PHLDA1: variants seen among roughly 807,000 people sequenced by gnomAD.
The protein encoded by PHLDA1 is pleckstrin homology like domain family A member 1.
In PHLDA1, 28 loss-of-function variants were observed where a neutral mutation model predicts 33.8. The observed-to-expected ratio is 0.83, with a 90% CI of 0.61 to 1.14. PHLDA1 has a LOEUF of 1.14. Among genes scored for constraint, PHLDA1 ranks in the 50% most tolerant of loss-of-function variants. PHLDA1 has a pLI of 0.00. For synonymous variants in PHLDA1, 271 were observed against 243.6 expected, an observed-to-expected ratio of 1.11 and a Z score of -1.05; for missense variants, 595 against 548.6, an observed-to-expected ratio of 1.08 and a Z score of -0.84.
chr12:76,030,559 G>A (rs1870868434), exon 1 of PHLDA1: 2 of 1,613,784 alleles, frequency 1.2e-6, no homozygotes, highest in South Asian at 2.2e-5. Flanking sequence ...GAGGTGCTGC[G>A]GAGAAGCCGG....
In PHLDA1 at chr12:76,031,188, T is replaced by C; in HGVS notation, c.554A>G (p.Lys185Arg). The C allele has an allele frequency of 6.2e-7, 1 of 1,613,020 alleles. No individual in the cohort carries two copies. Among genetic ancestry groups the C allele is most frequent in the Non-Finnish European group, 8.5e-7 (1 of 1,179,826 alleles). The change falls in exon 1 of 2, where the codon AAG becomes AGG. Residue 185 changes from lysine to arginine, a missense_variant. Physicochemically the swap from Lys to Arg is conservative, Grantham distance 26 (BLOSUM62 2). Coordinates refer to ENST00000266671, the Ensembl canonical transcript of PHLDA1. The surrounding 1 kb of genome is among the most constrained non-coding windows in gnomAD (Gnocchi z 5.4). ...CTGCTGCTGCTGGTGTTGCAGCTGC[T>C]TGGGCGGGATAAGCAGCAGCCCTTC...
exon 1 of PHLDA1, chr12:76,030,810 GGCTGCGAGGGGGGCT>G (rs1565702062): frequency 6.5e-7 from 1 of 1,541,562 alleles, no homozygotes; most frequent in East Asian, 2.4e-5. Flanking sequence ...CTGCGGCTGC[GGCTGCGAGGGGGGCT>G]GCTGCTGGAC....
At position 76,031,133 on chromosome 12, in the gene PHLDA1, TTGTTGCTGCTGCTGCTGCTGC is replaced by T. The variant is rs748740802; in HGVS notation, c.588_608del (p.Gln198_Gln204del). The T allele has an allele frequency of 5.1e-6, 8 of 1,564,112 alleles. No individual in the cohort carries two copies. The highest frequency in any genetic ancestry group is 3.4e-5 in the South Asian group (3 of 88,818). On this transcript the variant is annotated inframe_deletion, in exon 1 of 2. Coordinates refer to ENST00000266671, the Ensembl canonical transcript of PHLDA1. This position sits in a 1 kb window ranked among gnomAD's most constrained non-coding sequence, Gnocchi z 5.4. ...GCTCGGCCGGCCCCTGCCCGGGCTG[TTGTTGCTGCTGCTGCTGCTGC>T]TGTTGCTGCTGCTGCTGCTGGTGTT... is the stretch of plus-strand genomic sequence containing the variant.
At chr12:76,030,444 T>C in intron 1 of PHLDA1, 66 bp downstream of exon 1, 1 of 1,278,824 alleles carries the variant, frequency 7.8e-7, no homozygotes, top group Non-Finnish European at 1.1e-6. Flanking sequence ...TGAACAAGCT[T>C]CCTACTCCTC....
chr12:76,028,181 T>C (rs542180542), exon 2 of PHLDA1: 3 of 152,216 alleles, frequency 2.0e-5, no homozygotes, highest in East Asian at 1.9e-4. Context: ...TATACATATA[T>C]ACATACATAC....
In PHLDA1 at chr12:76,031,721, G is replaced by C. The variant is rs957571678; in HGVS notation, c.21C>G (p.Ala7=). 1.4e-5 allele frequency: 20 copies of C among 1,393,552 alleles called. No homozygotes were observed. The highest frequency in any genetic ancestry group is 3.3e-5 in the South Asian group (2 of 60,288). The allele number at this position is 1,393,552 out of a possible 1,614,324, so 86.3% of individuals were successfully genotyped here. ...GAAAGCCCAGCTCCAAGAGGCGCTC[G>C]GCAGCCGGCGCACGCCTCATTAACT... Residue 7 remains alanine (A), a synonymous_variant, in exon 1 of 2, where the codon GCC becomes GCG. Transcript: ENST00000266671. The surrounding 1 kb of genome is among the most constrained non-coding windows in gnomAD (Gnocchi z 5.4).
chr12:76,031,005 T>C lies in PHLDA1; in HGVS notation c.737A>G (p.Lys246Arg), dbSNP rs1870890714. Residue 246 changes from lysine to arginine, a missense_variant, in exon 1 of 2, where the codon AAG becomes AGG. By Grantham distance (26) the Lys-to-Arg change is conservative (BLOSUM62 2). Transcript: ENST00000266671. The surrounding 1 kb of genome is among the most constrained non-coding windows in gnomAD (Gnocchi z 5.4). Reference sequence around the variant, plus strand: ...CACAGTGAAGTACATGTACTTGCCCTTGCGCTCCACACAGTCCACGGTCTT... The same window carrying C: ...CACAGTGAAGTACATGTACTTGCCCCTGCGCTCCACACAGTCCACGGTCTT... 1 of 1,613,382 alleles carries C rather than the reference T, an allele frequency of 6.2e-7. No individual in the cohort carries two copies. The highest frequency in any genetic ancestry group is 1.1e-5 in the South Asian group (1 of 91,088).
rs1870895537 is a variant in PHLDA1 at position 76,031,134 on chromosome 12, T to C, written c.608A>G (p.Gln203Arg). The C allele has an allele frequency of 6.4e-7, 1 of 1,560,550 alleles. No individual in the cohort carries two copies. The highest frequency in any genetic ancestry group is 1.9e-5 in the Admixed American group (1 of 53,822). Residue 203 changes from glutamine (Q) to arginine (R), a missense_variant, in exon 1 of 2, where the codon CAA (glutamine) becomes CGA (arginine). By Grantham distance (43) the Gln-to-Arg change is conservative. Coordinates refer to ENST00000266671, the Ensembl canonical transcript of PHLDA1. This position sits in a 1 kb window ranked among gnomAD's most constrained non-coding sequence, Gnocchi z 5.4. ...CTCGGCCGGCCCCTGCCCGGGCTGT[T>C]GTTGCTGCTGCTGCTGCTGCTGTTG... is the stretch of plus-strand genomic sequence containing the variant.
exon 1 of PHLDA1, chr12:76,030,558 C>A: frequency 1.2e-6 from 2 of 1,613,674 alleles, no homozygotes; most frequent in South Asian, 2.2e-5. Flanking sequence ...GGAGGTGCTG[C>A]GGAGAAGCCG....
At chr12:76,029,959 A>G (rs1385550328) in exon 2 of PHLDA1, 1 of 153,628 alleles carries the variant, frequency 6.5e-6, no homozygotes, top group Admixed American at 6.5e-5. Flanking sequence ...CAGAAAACTA[A>G]GAAGAATCGC....
exon 2 of PHLDA1, chr12:76,029,204 A>G (rs773852460): frequency 6.6e-6 from 1 of 152,214 alleles, no homozygotes; most frequent in Non-Finnish European, 1.5e-5. Context: ...ATTCTCTTAT[A>G]CAAGTTAAAT....
intron 1 of PHLDA1, 110 bp from the exon 2 acceptor site, chr12:76,030,202 T>A (rs1870859760): frequency 2.5e-6 from 1 of 405,456 alleles, no homozygotes; most frequent in African/African-American, 2.0e-5. Context: ...CCGTGGTGTT[T>A]CCCTCAACTG....
Position 76,031,711 on chromosome 12 carries a change from A to G in PHLDA1, c.31T>C (p.Leu11=). 1.4e-6 allele frequency: 2 copies of G among 1,407,540 alleles called. No individual in the cohort carries two copies. The highest frequency in any genetic ancestry group is 1.9e-6 in the Non-Finnish European group (2 of 1,077,392). The allele number at this position is 1,407,540 out of a possible 1,614,324, so 87.2% of individuals were successfully genotyped here. ...CACCGCGGGGGAAAGCCCAGCTCCA[A>G]GAGGCGCTCGGCAGCCGGCGCACGC... is the stretch of plus-strand genomic sequence containing the variant. Residue 11 remains leucine (L), a synonymous_variant, in exon 1 of 2, where the codon TTG becomes CTG. Transcript: ENST00000266671. This position sits in a 1 kb window ranked among gnomAD's most constrained non-coding sequence, Gnocchi z 5.4.
At chr12:76,030,277 C>G (rs1312364953) in intron 1 of PHLDA1, among the ~76,000 whole-genome samples, 185 bp from the exon 2 acceptor site, 1 of 150,548 alleles carries the variant, frequency 6.6e-6, no homozygotes, top group East Asian at 1.9e-4. Context: ...GTGATGGGCG[C>G]GGGCGCGGGC....
Position 76,031,321 on chromosome 12 carries a change from T to A in PHLDA1, c.421A>T (p.Arg141Trp). 6.2e-7 allele frequency: 1 copy of A among 1,613,162 alleles called. No homozygotes were observed. The highest frequency in any genetic ancestry group is 8.5e-7 in the Non-Finnish European group (1 of 1,179,784). Reference sequence around the variant, plus strand: ...TTGCAGCCGCTACTCTCCAGCATCCTCCCAGCATAAGAGGGGCCGCCGCTT... The same window carrying A: ...TTGCAGCCGCTACTCTCCAGCATCCACCCAGCATAAGAGGGGCCGCCGCTT... Residue 141 changes from arginine (R) to tryptophan (W), a missense_variant, in exon 1 of 2, where the codon AGG (arginine) becomes TGG (tryptophan). Around this residue, in one of 3 missense-constraint regions of PHLDA1, gnomAD observed 263 missense variants for 232.3 expected, o/e 1.13. Transcript: ENST00000266671. This position sits in a 1 kb window ranked among gnomAD's most constrained non-coding sequence, Gnocchi z 5.4.
At chr12:76,028,163 T>C (rs991350909) in exon 2 of PHLDA1, 4 of 152,236 alleles carry the variant, frequency 2.6e-5, no homozygotes, top group African/African-American at 9.6e-5. Flanking sequence ...GATGTGGCTC[T>C]CATTTCATAT....
At chr12:76,030,119 T>C (rs1025536688) in intron 1 of PHLDA1, 27 bp from the exon 2 acceptor site, 2 of 208,478 alleles carry the variant, frequency 9.6e-6, no homozygotes, top group Non-Finnish European at 9.7e-6. Context: ...CCGAGTGAAG[T>C]AGGTGGCTAA....
chr12:76,026,124 C>T (rs1870769629), exon 2 of PHLDA1: 1 of 152,164 alleles, frequency 6.6e-6, no homozygotes, highest in Admixed American at 6.5e-5. Flanking sequence ...TCTCTTGAAT[C>T]ACTGATGGAT....
At chr12:76,028,815 CT>C (rs1870829308) in exon 2 of PHLDA1, 1 of 152,592 alleles carries the variant, frequency 6.6e-6, no homozygotes, top group African/African-American at 2.4e-5. Flanking sequence ...AGCATATCCT[CT>C]TTTTTCCCCC....
Sources: allele counts gnomAD v4.1 joint callset (sites outside exome capture counted in the v4.1 genomes callset), GRCh38; gene constraint gnomAD v4.1.1; regional missense constraint gnomAD v4.1.1; non-coding constraint Gnocchi (gnomAD v3.1); transcripts MANE v1.5; gene names NCBI Gene and HGNC (gene_info 2026-07-23, HGNC 2026-07-21).